The following TAFA2 variants were observed in gnomAD, a reference collection of about 807,000 sequenced individuals.
TAFA2 encodes the protein chemokine-like protein TAFA-2.
In TAFA2, 7 loss-of-function variants were observed where a neutral mutation model predicts 18.8. That is an observed-to-expected ratio of 0.37 (90% CI 0.21 to 0.70). The LOEUF is 0.70. TAFA2 is among the 30% of genes least tolerant of loss of function. The probability of loss-of-function intolerance (pLI) is 0.53; values close to 1 mark genes in which losing one functional copy is unlikely to be tolerated. For synonymous variants in TAFA2, 60 were observed against 54.2 expected, an observed-to-expected ratio of 1.11 and a Z score of -0.47; for missense variants, 122 against 158.1, an observed-to-expected ratio of 0.77 and a Z score of 1.23.
intron 1 of TAFA2, among the ~76,000 whole-genome samples, chr12:61,936,300 C>T (rs746827703): frequency 6.6e-6 from 1 of 152,144 alleles, no homozygotes; most frequent in African/African-American, 2.4e-5. Context: ...GGCACAGTTG[C>T]TAATGCCTGT....
chr12:61,981,723 G>A (rs894277387), intron 1 of TAFA2, among the ~76,000 whole-genome samples: 1 of 152,156 alleles, frequency 6.6e-6, no homozygotes, highest in African/African-American at 2.4e-5. Context: ...TATCATCACT[G>A]GTCATCAGAG....
intron 4 of TAFA2, among the ~76,000 whole-genome samples, chr12:61,712,049 A>ATG (rs1258486876): frequency 6.6e-5 from 10 of 152,066 alleles, no homozygotes; most frequent in Admixed American, 6.6e-5. Context: ...GGGAAGCTAT[A>ATG]TGTGTGTGTG....
At chr12:61,970,673 T>C (rs1879217307) in intron 1 of TAFA2, among the ~76,000 whole-genome samples, 1 of 151,286 alleles carries the variant, frequency 6.6e-6, no homozygotes. Context: ...TTTTAGATAA[T>C]TGACTAGTTA....
At chr12:62,068,342 T>C (rs982750907) in intron 1 of TAFA2, among the ~76,000 whole-genome samples, 1 of 152,160 alleles carries the variant, frequency 6.6e-6, no homozygotes, top group African/African-American at 2.4e-5. Flanking sequence ...TCAGTTCCTA[T>C]AGCACACCCT....
intron 1 of TAFA2, among the ~76,000 whole-genome samples, chr12:62,034,145 A>T (rs80002962): frequency 4.3e-4 from 65 of 152,334 alleles, no homozygotes; most frequent in African/African-American, 1.4e-3. Context: ...GGTACATGAC[A>T]TGATAAGCGG....
chr12:62,045,343 A>T (rs1881881525), intron 1 of TAFA2, among the ~76,000 whole-genome samples: 1 of 152,126 alleles, frequency 6.6e-6, no homozygotes, highest in South Asian at 2.1e-4. Context: ...TATTCATTAA[A>T]TACTATATGC....
intron 1 of TAFA2, among the ~76,000 whole-genome samples, chr12:61,900,390 G>C (rs1876046052): frequency 6.6e-6 from 1 of 152,162 alleles, no homozygotes; most frequent in South Asian, 2.1e-4. Context: ...TTATATTTCT[G>C]TGGCATTCTA....
At chr12:62,235,008 TAAGG>T in intron 1 of TAFA2, 4 of 645,400 alleles carry the variant, frequency 6.2e-6, no homozygotes, top group Middle Eastern at 2.7e-4. Flanking sequence ...GAGGCCAGGG[TAAGG>T]CATTGTAGGG....
At chr12:61,790,943 T>TA (rs1395581293) in intron 2 of TAFA2, among the ~76,000 whole-genome samples, 4 of 151,822 alleles carry the variant, frequency 2.6e-5, no homozygotes, top group Non-Finnish European at 5.9e-5. Context: ...GGCATCATAT[T>TA]ACCTGATTTC....
At chr12:61,871,034 T>C (rs766248450) in intron 1 of TAFA2, among the ~76,000 whole-genome samples, 65 of 152,134 alleles carry the variant, frequency 4.3e-4, no homozygotes, top group Non-Finnish European at 4.6e-4. Flanking sequence ...CAGACAAATA[T>C]ATTGCATAGT....
At chr12:62,157,360 A>T (rs1038490106) in intron 1 of TAFA2, among the ~76,000 whole-genome samples, 18 of 152,220 alleles carry the variant, frequency 1.2e-4, no homozygotes, top group Admixed American at 9.8e-4. Context: ...CCCTATGAAG[A>T]AAGAAGTTGG....
chr12:62,231,498 T>C (rs2062811756), intron 1 of TAFA2, among the ~76,000 whole-genome samples: 1 of 152,222 alleles, frequency 6.6e-6, no homozygotes, highest in Non-Finnish European at 1.5e-5. Context: ...AGGCAGCATA[T>C]AGTTACGTTT....
Position 61,761,280 on chromosome 12 carries a change from A to G in TAFA2, c.107-6256T>C, listed in dbSNP as rs551952091. Among the ~76,000 whole-genome samples the G allele has an allele frequency of 5.3e-5, 8 of 152,162 alleles. No individual in the cohort carries two copies. In the South Asian group the frequency reaches 1.7e-3, roughly 32 times the overall value. ...TTCATAAAAAAGAAAATCAAATTAAATGACATTTGACTTATACAGGCATAG... is the reference window on the plus strand; with the variant it reads ...TTCATAAAAAAGAAAATCAAATTAAGTGACATTTGACTTATACAGGCATAG... On this transcript the variant is annotated intron_variant, in intron 2 of 4. Transcript: ENST00000416284.
At chr12:62,048,272 G>A (rs1013146651) in intron 1 of TAFA2, among the ~76,000 whole-genome samples, 2 of 152,108 alleles carry the variant, frequency 1.3e-5, no homozygotes, top group African/African-American at 4.8e-5. Context: ...AGGAAGTAAG[G>A]CACCTTCTTG....
chr12:62,231,163 G>A (rs2062810443), intron 1 of TAFA2, among the ~76,000 whole-genome samples: 1 of 152,088 alleles, frequency 6.6e-6, no homozygotes, highest in Non-Finnish European at 1.5e-5. Flanking sequence ...TTACTGTATT[G>A]CAGTCCATCT....
rs947873099 is a variant in TAFA2, at chr12:62,094,758, T to A, written c.-2+96501A>T. Among the ~76,000 whole-genome samples the A allele has an allele frequency of 1.3e-4, 20 of 150,060 alleles. No homozygotes were observed. The East Asian group carries it at 3.4e-3, about 26-fold the overall frequency. Reference sequence around the variant, plus strand: ...AGCTTCATTTTACACATAAAAAAAATGAAGTCAGAGAAATTAAGAGACTAC... The same window carrying A: ...AGCTTCATTTTACACATAAAAAAAAAGAAGTCAGAGAAATTAAGAGACTAC... On this transcript the variant is annotated intron_variant, in intron 1 of 4. Coordinates refer to ENST00000416284, the MANE Select transcript of TAFA2 (RefSeq NM_178539.5).
At chr12:62,232,107 A>C (rs2062814132) in intron 1 of TAFA2, among the ~76,000 whole-genome samples, 1 of 152,196 alleles carries the variant, frequency 6.6e-6, no homozygotes, top group Non-Finnish European at 1.5e-5. Context: ...GGTGTGATAG[A>C]CATCACAATA....
intron 1 of TAFA2, among the ~76,000 whole-genome samples, chr12:61,908,636 T>C (rs7955539): frequency 0.83 from 125,637 of 152,146 alleles, 52,390 homozygotes; most frequent in African/African-American, 0.94. Flanking sequence ...CCTAGTGATA[T>C]GCAGTGCTAA....
chr12:62,196,549 G>A (rs2062649905), upstream of TAFA2, among the ~76,000 whole-genome samples: 1 of 152,156 alleles, frequency 6.6e-6, no homozygotes, highest in Non-Finnish European at 1.5e-5. Flanking sequence ...AGGGAATAGG[G>A]AGACCCCAGG....
Sources: gnomAD v4.1 joint callset for allele counts (sites outside exome capture counted in the v4.1 genomes callset) on GRCh38, gnomAD v4.1.1 for gene constraint, MANE v1.5 for transcripts, NCBI Gene and HGNC (gene_info 2026-07-23, HGNC 2026-07-21) for gene names.